The following GPR149 variants were observed in gnomAD, a reference collection of about 807,000 sequenced individuals.
GPR149 encodes G protein-coupled receptor 149.
Under a neutral mutation model 50.2 loss-of-function variants are expected in GPR149, and 50 were observed. The ratio of observed to expected loss-of-function variants is 1.00; its 90% confidence interval spans 0.79 to 1.26. GPR149 has a LOEUF of 1.26. Ranked by LOEUF, GPR149 falls within the 50% of genes most tolerant of loss-of-function variation. The pLI, the probability that GPR149 is intolerant of heterozygous loss-of-function variation, is 0.00. For missense variants in GPR149, 983 were observed against 895.4 expected (o/e 1.10, Z -1.25); for synonymous variants, 405 against 358.2 (o/e 1.13, Z -1.48).
intron 3 of GPR149, among the ~76,000 whole-genome samples, chr3:154,380,629 A>T (rs1559980096): frequency 2.6e-5 from 4 of 152,036 alleles, no homozygotes; most frequent in African/African-American, 9.7e-5. Flanking sequence ...TCAAGGTCAA[A>T]TTTTGTCCTT....
intron 3 of GPR149, among the ~76,000 whole-genome samples, chr3:154,374,150 C>CTTTCT (rs1553764323): frequency 4.7e-5 from 2 of 42,658 alleles, no homozygotes; most frequent in Non-Finnish European, 9.3e-5. Context: ...TATTTTCTTT[C>CTTTCT]TTTCTTTTCT....
At position 154,398,501 on chromosome 3, in the gene GPR149, G is replaced by T. The variant is rs537694222; in HGVS notation, c.1623+22538C>A. On this transcript the variant is annotated intron_variant, in intron 3 of 3. Transcript: ENST00000389740. ...ACTATAAAATAGATCATTCAGAATG[G>T]TTATTTCTATTTGCATCTGAATTGA... Among the ~76,000 whole-genome samples, 9 of 152,084 alleles carry T rather than the reference G, an allele frequency of 5.9e-5. No individual in the cohort carries two copies. The South Asian group carries it at 1.9e-3, about 32-fold the overall frequency.
intron 3 of GPR149, among the ~76,000 whole-genome samples, chr3:154,363,369 C>G (rs1228342412): frequency 6.6e-6 from 1 of 151,920 alleles, no homozygotes; most frequent in Non-Finnish European, 1.5e-5. Context: ...CCTCCTGGTT[C>G]TGGAGGCTAG....
intron 3 of GPR149, among the ~76,000 whole-genome samples, chr3:154,364,338 A>T (rs1714482440): frequency 6.6e-6 from 1 of 152,188 alleles, no homozygotes; most frequent in South Asian, 2.1e-4. Flanking sequence ...GATCCTCAAA[A>T]TTCATGTTTT....
intron 3 of GPR149, among the ~76,000 whole-genome samples, chr3:154,345,349 A>G (rs893842881): frequency 3.3e-5 from 5 of 152,228 alleles, no homozygotes; most frequent in African/African-American, 1.2e-4. Context: ...ATGAAAATAA[A>G]ATATTATGGC....
intron 3 of GPR149, among the ~76,000 whole-genome samples, chr3:154,382,898 T>C (rs1479085550): frequency 1.3e-5 from 2 of 152,212 alleles, no homozygotes; most frequent in African/African-American, 4.8e-5. Context: ...AAATTGCTCC[T>C]TCAGGGAACT....
At chr3:154,421,834 C>T (rs1370104946) in intron 2 of GPR149, among the ~76,000 whole-genome samples, 3 of 151,824 alleles carry the variant, frequency 2.0e-5, no homozygotes, top group Non-Finnish European at 3.0e-5. Flanking sequence ...AATGATTTTG[C>T]ACATTTCCTT....
chr3:154,396,408 G>A (rs1435338336), intron 3 of GPR149, among the ~76,000 whole-genome samples: 3 of 151,920 alleles, frequency 2.0e-5, no homozygotes, highest in African/African-American at 7.2e-5. Context: ...TGTAGCAATG[G>A]GAGGCTTAAA....
At chr3:154,374,549 T>G (rs953548845) in intron 3 of GPR149, among the ~76,000 whole-genome samples, 1 of 152,118 alleles carries the variant, frequency 6.6e-6, no homozygotes, top group Admixed American at 6.5e-5. Flanking sequence ...CCTCACAATA[T>G]CCAGAAATAG....
intron 2 of GPR149, among the ~76,000 whole-genome samples, chr3:154,421,841 C>T (rs1437828761): frequency 6.6e-6 from 1 of 151,554 alleles, no homozygotes; most frequent in African/African-American, 2.4e-5. Context: ...TTGCACATTT[C>T]CTTATATTTT....
At chr3:154,373,248 T>C (rs1022100140) in intron 3 of GPR149, among the ~76,000 whole-genome samples, 2 of 151,666 alleles carry the variant, frequency 1.3e-5, no homozygotes, top group Admixed American at 6.6e-5. Context: ...AAGGATGGAG[T>C]AGAACAGTGT....
chr3:154,352,106 G>A (rs922696000), intron 3 of GPR149: 244 of 670,996 alleles, frequency 3.6e-4, no homozygotes, highest in Middle Eastern at 4.8e-4. Flanking sequence ...AAATAGGCAA[G>A]TTCACACTGG....
At chr3:154,418,130 A>G (rs1261560854) in intron 3 of GPR149, among the ~76,000 whole-genome samples, 1 of 141,546 alleles carries the variant, frequency 7.1e-6, no homozygotes, top group East Asian at 2.0e-4. Flanking sequence ...ATCTCACACC[A>G]GTTAGAATGG....
chr3:154,430,126 A>G lies in GPR149; in HGVS notation c.-511T>C, dbSNP rs981573137. Among the ~76,000 whole-genome samples, 12 of 143,438 alleles carry G rather than the reference A, an allele frequency of 8.4e-5. No homozygotes were observed. Among genetic ancestry groups the G allele is most frequent in the Admixed American group, 4.9e-4 (7 of 14,250 alleles). 94.1% of individuals were successfully genotyped at this position (143,438 alleles called of 152,430 possible). A position where few individuals can be genotyped will look rare whatever the true frequency, so the allele number is the denominator to read the frequency against. On this transcript the variant is annotated 5_prime_UTR_variant, in exon 1 of 4. Transcript: ENST00000389740. ...GTAGGTTTCAGCTTTGAAGGTGGAG[A>G]GAGAGAGAGAGACAGAGAGAGAGAG...
intron 3 of GPR149, among the ~76,000 whole-genome samples, chr3:154,366,570 C>T (rs1239154588): frequency 6.6e-6 from 1 of 152,170 alleles, no homozygotes; most frequent in Non-Finnish European, 1.5e-5. Flanking sequence ...ACCTATAAAG[C>T]TTCATCTGTC....
chr3:154,428,571 T>C (rs1576934540), intron 1 of GPR149, 64 bp downstream of exon 1: 2 of 1,524,024 alleles, frequency 1.3e-6, no homozygotes, highest in South Asian at 2.6e-5. Context: ...GCGACGCCGG[T>C]CCCAACACTC....
intron 3 of GPR149, among the ~76,000 whole-genome samples, chr3:154,406,014 A>G (rs1360291241): frequency 6.6e-6 from 1 of 152,054 alleles, no homozygotes; most frequent in Non-Finnish European, 1.5e-5. Flanking sequence ...TTTGTAACAT[A>G]GGATATAATG....
At chr3:154,355,120 T>C (rs1439163470) in intron 3 of GPR149, among the ~76,000 whole-genome samples, 5 of 152,168 alleles carry the variant, frequency 3.3e-5, no homozygotes, top group Non-Finnish European at 7.4e-5. Context: ...CTCTGCCTCC[T>C]GGGTTCAAGC....
chr3:154,361,143 T>C (rs932076190), intron 3 of GPR149, among the ~76,000 whole-genome samples: 8 of 152,160 alleles, frequency 5.3e-5, no homozygotes, highest in African/African-American at 1.9e-4. Context: ...TTAAAATACA[T>C]TATTACAAAG....
Sources: gnomAD v4.1 joint callset for allele counts (sites outside exome capture counted in the v4.1 genomes callset) on GRCh38, gnomAD v4.1.1 for gene constraint, MANE v1.5 for transcripts, NCBI Gene and HGNC (gene_info 2026-07-23, HGNC 2026-07-21) for gene names.